SLC35A5: variants seen among roughly 807,000 people sequenced by gnomAD.
The protein encoded by SLC35A5 is solute carrier family 35 member A5, also known as UDP-sugar transporter protein SLC35A5.
In SLC35A5, 28 loss-of-function variants were observed where a neutral mutation model predicts 36.3. The ratio of observed to expected loss-of-function variants is 0.77; its 90% CI spans 0.57 to 1.06. The LOEUF is 1.06. SLC35A5 is among the 50% of genes least tolerant of loss of function. SLC35A5 has a pLI of 0.00. For missense variants in SLC35A5, 521 were observed against 499.3 expected, an observed-to-expected ratio of 1.04 and a Z score of -0.41; for synonymous variants, 180 against 173.7, an observed-to-expected ratio of 1.04 and a Z score of -0.29.
chr3:112,561,774 CTG>C, upstream of SLC35A5: 1 of 501,242 alleles, frequency 2.0e-6, no homozygotes, highest in Non-Finnish European at 3.5e-6. Flanking sequence ...CCGGACCCAG[CTG>C]TCACCCAGCC....
intron 4 of SLC35A5, among the ~76,000 whole-genome samples, chr3:112,572,134 G>A (rs1391630995): frequency 2.0e-5 from 3 of 149,072 alleles, no homozygotes; most frequent in Non-Finnish European, 4.5e-5. Context: ...AGTAGAGACG[G>A]GGTTTCACCT....
chr3:112,580,812 G>A lies in SLC35A5; in HGVS notation c.695G>A (p.Gly232Asp), dbSNP rs773772153. The change falls in exon 6 of 7, where the codon GGC becomes GAC. Residue 232 changes from glycine to aspartate, a missense_variant. Coordinates refer to ENST00000492406, the MANE Select transcript of SLC35A5 (RefSeq NM_017945.5). Reference protein sequence around the residue: ...RVFSHIRLGMGHVLIIVQCFI... With the variant: ...RVFSHIRLGMDHVLIIVQCFI... The stretch of plus-strand genomic sequence containing the variant: ...TTCAGTCACATCCGTCTTGGCATGG[G>A]CCATGTTCTTATTATAGTCCAGTGT... 5.0e-6 allele frequency: 8 copies of A among 1,614,174 alleles called. No individual in the cohort carries two copies. In the East Asian group the frequency reaches 1.1e-4, roughly 22 times the overall value.
intron 6 of SLC35A5, 125 bp downstream of exon 6, chr3:112,581,451 C>T (rs74839312): frequency 1.5e-5 from 15 of 982,956 alleles, no homozygotes; most frequent in South Asian, 8.8e-5. Context: ...ACTTTTAAAA[C>T]CGAATCAACA....
intron 2 of SLC35A5, among the ~76,000 whole-genome samples, chr3:112,566,191 G>A (rs942051625): frequency 2.0e-5 from 3 of 152,230 alleles, no homozygotes; most frequent in African/African-American, 7.2e-5. Flanking sequence ...TGAATGCTGA[G>A]TGGATTGATG....
chr3:112,569,374 A>C (rs1258132281), intron 3 of SLC35A5, 105 bp downstream of exon 3: 1 of 830,920 alleles, frequency 1.2e-6, no homozygotes, highest in Non-Finnish European at 2.0e-6. Context: ...TAAATTTTAT[A>C]TGAGGAAGCT....
chr3:112,579,487 A>T (rs1934805231), intron 5 of SLC35A5, among the ~76,000 whole-genome samples: 1 of 151,824 alleles, frequency 6.6e-6, no homozygotes, highest in East Asian at 1.9e-4. Context: ...GCCTCCTGAC[A>T]ACGCCAATGA....
At chr3:112,572,167 C>T (rs1934476539) in intron 4 of SLC35A5, among the ~76,000 whole-genome samples, 1 of 150,698 alleles carries the variant, frequency 6.6e-6, no homozygotes, top group Non-Finnish European at 1.5e-5. Flanking sequence ...TGGTCTCGAT[C>T]TCCTGACCTC....
chr3:112,563,344 C>T, intron 1 of SLC35A5, 41 bp from the exon 2 acceptor site: 1 of 1,396,886 alleles, frequency 7.2e-7, no homozygotes, highest in Non-Finnish European at 9.5e-7. Flanking sequence ...CGTTTAGGGT[C>T]TGCCAACAAG....
In SLC35A5 at chr3:112,581,209, A is replaced by G; in HGVS notation, c.1092A>G (p.Pro364=). The G allele has an allele frequency of 4.3e-6, 7 of 1,613,840 alleles. No homozygotes were observed. The highest frequency in any genetic ancestry group is 1.1e-5 in the South Asian group (1 of 91,068). ...RPSLEFFLEA[P]SVLLSIFIYN... is the part of the protein sequence containing the mutation. ...CCCTGGAATTTTTCTTGGAAGCCCCATCAGTCCTTCTCTCTATATTTATTT... is the reference window on the plus strand; with the variant it reads ...CCCTGGAATTTTTCTTGGAAGCCCCGTCAGTCCTTCTCTCTATATTTATTT... The change falls in exon 6 of 7, where the codon CCA becomes CCG. Residue 364 remains proline, a synonymous_variant. Transcript: ENST00000492406.
chr3:112,581,459 A>G (rs1934923443), intron 6 of SLC35A5, 133 bp downstream of exon 6: 2 of 925,418 alleles, frequency 2.2e-6, no homozygotes, highest in Middle Eastern at 6.7e-4. Context: ...AACCGAATCA[A>G]CAAACATTCC....
rs1301808086 is a variant in SLC35A5, at chr3:112,584,695, C to G, written c.*1959C>G. 6.6e-6 allele frequency: 1 copy of G among 152,104 alleles called. No homozygotes were observed. Among genetic ancestry groups the G allele is most frequent in the East Asian group, 1.9e-4 (1 of 5,188 alleles). The allele number at this position is 152,104 out of a possible 1,614,324, so 9.4% of individuals were successfully genotyped here. Reference sequence around the variant, plus strand: ...CAGCAATCCCTCTACTGGGTACCTACCCAAAGGAAAATAAATCGTTTTATC... The same window carrying G: ...CAGCAATCCCTCTACTGGGTACCTAGCCAAAGGAAAATAAATCGTTTTATC... On this transcript the variant is annotated 3_prime_UTR_variant, in exon 7 of 7. Coordinates refer to ENST00000492406, the MANE Select transcript of SLC35A5 (RefSeq NM_017945.5).
chr3:112,567,855 T>TC (rs1158934744), intron 2 of SLC35A5, among the ~76,000 whole-genome samples: 1 of 151,912 alleles, frequency 6.6e-6, no homozygotes, highest in East Asian at 1.9e-4. Context: ...TAATCCAAAG[T>TC]CCCCCCTTCT....
At chr3:112,579,413 C>T (rs1011577591) in intron 5 of SLC35A5, among the ~76,000 whole-genome samples, 22 of 151,918 alleles carry the variant, frequency 1.4e-4, no homozygotes, top group African/African-American at 5.1e-4. Flanking sequence ...CTTTTTTTCT[C>T]GGTGTTCCCC....
chr3:112,566,786 A>C (rs1014319219), intron 2 of SLC35A5, among the ~76,000 whole-genome samples: 1 of 152,262 alleles, frequency 6.6e-6, no homozygotes, highest in Non-Finnish European at 1.5e-5. Context: ...AGTAAAGGGC[A>C]GATAAAGAAC....
At chr3:112,567,759 G>A (rs1934264159) in intron 2 of SLC35A5, among the ~76,000 whole-genome samples, 1 of 152,208 alleles carries the variant, frequency 6.6e-6, no homozygotes, top group Admixed American at 6.5e-5. Context: ...TTGTCATATG[G>A]TCTGGGATCG....
At chr3:112,569,717 A>G (rs1041524579) in intron 3 of SLC35A5, among the ~76,000 whole-genome samples, 4 of 152,250 alleles carry the variant, frequency 2.6e-5, no homozygotes, top group East Asian at 1.9e-4. Flanking sequence ...TTTCTGAGCT[A>G]TCACATAGGG....
rs1206956797 is a variant in SLC35A5, at chr3:112,580,724, G to A, written c.607G>A (p.Asp203Asn). ...TTTCAGAAGTGAGTGTCCCAGAAAA[G>A]ACAATTGTACAGCAAAGGAATGGAC... ...LLFRSECPRK[D>N]NCTAKEWTFP... Residue 203 changes from aspartate (D) to asparagine (N), a missense_variant, in exon 6 of 7, where the codon GAC (aspartate) becomes AAC (asparagine). By Grantham distance (23) the Asp-to-Asn change is conservative (BLOSUM62 1). Transcript: ENST00000492406. 7.4e-6 allele frequency: 12 copies of A among 1,614,124 alleles called. No homozygotes were observed. Among genetic ancestry groups the A allele is most frequent in the South Asian group, 1.1e-5 (1 of 91,082 alleles).
rs1320333459 is a variant in SLC35A5 at position 112,581,898 on chromosome 3, CA to C, written c.1209+574del. 3.9e-5 allele frequency among the ~76,000 whole-genome samples: 6 copies of C among 152,162 alleles called. 1 individual carries two copies. Among genetic ancestry groups the C allele is most frequent in the Admixed American group, 3.3e-4 (5 of 15,282 alleles). ...AAGGTAGTTTTCAAGAGGATCCTTG[CA>C]AGGCGAGTAGGAGGAAAATATTTTC... On this transcript the variant is annotated intron_variant, in intron 6 of 6. Coordinates refer to ENST00000492406, the MANE Select transcript of SLC35A5 (RefSeq NM_017945.5).
chr3:112,569,400 GTA>G, intron 3 of SLC35A5, 131 bp downstream of exon 3: 1 of 697,832 alleles, frequency 1.4e-6, no homozygotes, highest in East Asian at 2.6e-5. Flanking sequence ...ACAAACATAA[GTA>G]TGTTTTAGAG....
Sources: gnomAD v4.1 joint callset for allele counts (sites outside exome capture counted in the v4.1 genomes callset) on GRCh38, gnomAD v4.1.1 for gene constraint, MANE v1.5 for transcripts, NCBI Gene and HGNC (gene_info 2026-07-23, HGNC 2026-07-21) for gene names.